CUBN: variants seen among roughly 807,000 people sequenced by gnomAD.
The protein encoded by CUBN is 460 kDa receptor.
A neutral mutation model predicts 405.3 loss-of-function variants in CUBN; 282 were observed. That is an observed-to-expected ratio of 0.70 (90% confidence interval 0.63 to 0.77). CUBN has a LOEUF of 0.77. Among genes scored for constraint, CUBN ranks in the 30% least tolerant of loss-of-function variants. The pLI is 0.00. For missense variants in CUBN, 4,514 were observed against 4,475.2 expected (o/e 1.01, Z -0.25); for synonymous variants, 1,684 against 1,617.0 (o/e 1.04, Z -0.99).
intron 54 of CUBN, among the ~76,000 whole-genome samples, chr10:16,897,712 G>GT (rs1564410108): frequency 6.6e-6 from 1 of 152,164 alleles, no homozygotes; most frequent in Non-Finnish European, 1.5e-5. Context: ...CCGAAGCTGG[G>GT]TCCCTTTACT....
chr10:16,869,973 T>C (rs1840304151), intron 58 of CUBN, 120 bp from the exon 59 acceptor site: 3 of 744,716 alleles, frequency 4.0e-6, no homozygotes, highest in East Asian at 2.7e-5. Context: ...CAAAACTCAC[T>C]TGATATGAAA....
At chr10:17,087,607 C>G (rs1406424810) in intron 15 of CUBN, among the ~76,000 whole-genome samples, 2 of 150,998 alleles carry the variant, frequency 1.3e-5, no homozygotes, top group African/African-American at 2.4e-5. Context: ...TGACGAGTAG[C>G]TGGGGTTACA....
At chr10:17,124,319 G>A (rs549504714) in intron 4 of CUBN, among the ~76,000 whole-genome samples, 1 of 152,256 alleles carries the variant, frequency 6.6e-6, no homozygotes, top group Admixed American at 6.5e-5. Flanking sequence ...ATAACCTGGG[G>A]AATCTGACCC....
In CUBN at chr10:17,100,136, A is replaced by C. The variant is rs765388317; in HGVS notation, c.1634T>G (p.Leu545Arg). The C allele has an allele frequency of 7.4e-6, 12 of 1,613,812 alleles. No homozygotes were observed. The Middle Eastern group carries it at 6.6e-4, about 88-fold the overall frequency. ...GAGGCTGGAGCCACAAAATCTTCCA[A>C]GTTGAAAAGCAGAAGAGGAATCTCC... ...YDGDSSSAFQ[L>R]GRFCGSSLPH... Residue 545 changes from leucine (L) to arginine (R), a missense_variant, in exon 14 of 67, where the codon CTT becomes CGT. Leu to Arg is a moderately radical substitution (Grantham distance 102). Around this residue, in one of 5 missense-constraint regions of CUBN, gnomAD observed 1,448 missense variants for 1,388.0 expected, o/e 1.04. Transcript: ENST00000377833.
chr10:17,060,918 C>T (rs1394571534), intron 22 of CUBN, among the ~76,000 whole-genome samples: 2 of 151,794 alleles, frequency 1.3e-5, no homozygotes, highest in African/African-American at 4.8e-5. Context: ...GGCATGGTGA[C>T]CATGCCTGTA....
intron 50 of CUBN, 23 bp downstream of exon 50, chr10:16,906,180 A>G (rs1486875264): frequency 6.6e-7 from 1 of 1,519,194 alleles, no homozygotes; most frequent in South Asian, 1.1e-5. Context: ...AAATGGGAAA[A>G]CGCATTCTTA....
At chr10:17,041,251 TA>T (rs1564491070) in intron 26 of CUBN, 31 bp from the exon 27 acceptor site, 2 of 1,557,422 alleles carry the variant, frequency 1.3e-6, no homozygotes, top group Admixed American at 1.7e-5. Flanking sequence ...TAAGAACCAC[TA>T]TTATATACTT....
chr10:16,901,909 A>ACACACAATATATAG (rs1365115200), intron 51 of CUBN, among the ~76,000 whole-genome samples: 1 of 136,380 alleles, frequency 7.3e-6, no homozygotes, highest in Non-Finnish European at 1.6e-5. Context: ...ATATATATAT[A>ACACACAATATATAG]TATATATATA....
intron 54 of CUBN, among the ~76,000 whole-genome samples, chr10:16,896,108 G>A (rs540682059): frequency 6.6e-6 from 1 of 152,246 alleles, no homozygotes; most frequent in Admixed American, 6.5e-5. Flanking sequence ...TTGTGGAAAT[G>A]TGATTTCCAT....
chr10:16,892,078 A>C (rs186114127), intron 54 of CUBN, among the ~76,000 whole-genome samples: 47 of 152,356 alleles, frequency 3.1e-4, no homozygotes, highest in Admixed American at 5.9e-4. Context: ...CAAGTCATTA[A>C]AAACATTTCT....
chr10:17,058,474 A>G (rs2131834827), intron 22 of CUBN, among the ~76,000 whole-genome samples: 1 of 152,192 alleles, frequency 6.6e-6, no homozygotes, highest in East Asian at 1.9e-4. Flanking sequence ...ATATCTAATA[A>G]AGAATACATA....
chr10:17,075,009 A>G (rs1256943323), intron 17 of CUBN, among the ~76,000 whole-genome samples: 1 of 151,894 alleles, frequency 6.6e-6, no homozygotes, highest in Non-Finnish European at 1.5e-5. Context: ...GAGACTTGAA[A>G]GCTGAGTAGG....
intron 27 of CUBN, among the ~76,000 whole-genome samples, chr10:17,032,853 C>T (rs369870381): frequency 1.7e-4 from 26 of 152,156 alleles, no homozygotes; most frequent in Admixed American, 4.6e-4. Flanking sequence ...GTTTTCCCTG[C>T]GTCCAGTTCT....
chr10:16,907,798 T>G, intron 48 of CUBN, 119 bp from the exon 49 acceptor site: 1 of 1,003,274 alleles, frequency 1.0e-6, no homozygotes, highest in Non-Finnish European at 1.5e-6. Context: ...CCAAAATGAA[T>G]GACCTAACAA....
At position 17,065,742 on chromosome 10, in the gene CUBN, T is replaced by C. The variant is rs569810764; in HGVS notation, c.3009-104A>G. ...GTAAATATAATAATAGGTTTTGTTC[T>C]CTACCTCTCATCAACCTTAAAACAC... On this transcript the variant is annotated intron_variant, in intron 21 of 66. Transcript: ENST00000377833. The C allele has an allele frequency of 4.5e-6, 6 of 1,343,162 alleles. No individual in the cohort carries two copies. The South Asian group carries it at 7.1e-5, about 16-fold the overall frequency. 83.2% of individuals were successfully genotyped at this position (1,343,162 alleles called of 1,614,324 possible). A position where few individuals can be genotyped will look rare whatever the true frequency, so the allele number is the denominator to read the frequency against.
intron 56 of CUBN, among the ~76,000 whole-genome samples, chr10:16,877,568 G>C (rs576462690): frequency 2.0e-5 from 3 of 152,222 alleles, no homozygotes; most frequent in African/African-American, 7.2e-5. Flanking sequence ...TGTCAATAGC[G>C]CTGCTACTGA....
intron 28 of CUBN, among the ~76,000 whole-genome samples, chr10:17,001,582 C>G (rs1833887194): frequency 6.6e-6 from 1 of 152,228 alleles, no homozygotes; most frequent in South Asian, 2.1e-4. Context: ...GCTGGCTTCA[C>G]TTCTCAAGAT....
rs570380815 is a variant in CUBN, at chr10:16,878,026, G to A, written c.8906-929C>T. On this transcript the variant is annotated intron_variant, in intron 56 of 66. Transcript: ENST00000377833. ...ATTAGGGCCAGACATGGTGGCTCAC[G>A]CCTATAATCCCAGCACTTTGGGAGG... is the stretch of plus-strand genomic sequence containing the variant. Among the ~76,000 whole-genome samples the A allele has an allele frequency of 8.2e-4, 125 of 152,310 alleles. 1 individual carries two copies. Among genetic ancestry groups the A allele is most frequent in the African/African-American group, 2.8e-3 (115 of 41,568 alleles).
chr10:16,933,606 T>C (rs1842421090), intron 39 of CUBN, among the ~76,000 whole-genome samples: 1 of 152,208 alleles, frequency 6.6e-6, no homozygotes, highest in African/African-American at 2.4e-5. Context: ...GAGGTAGAAC[T>C]GTATTCATTC....
Sources: allele counts gnomAD v4.1 joint callset (sites outside exome capture counted in the v4.1 genomes callset), GRCh38; gene constraint gnomAD v4.1.1; regional missense constraint gnomAD v4.1.1; transcripts MANE v1.5; gene names NCBI Gene and HGNC (gene_info 2026-07-23, HGNC 2026-07-21).